The following NRG1 variants were observed in gnomAD, a reference collection of about 807,000 sequenced individuals.
NRG1 encodes the protein pro-neuregulin-1, membrane-bound isoform.
Under a neutral mutation model 63.8 loss-of-function variants are expected in NRG1, and 18 were observed. That is an observed-to-expected ratio of 0.28 (90% CI 0.19 to 0.42). The LOEUF (loss-of-function observed/expected upper bound fraction) is 0.42, where lower values mean the gene tolerates loss of function less well. Among genes scored for constraint, NRG1 ranks in the 10% least tolerant of loss-of-function variants. The pLI is 1.00. For missense variants in NRG1, 762 were observed against 814.7 expected, an observed-to-expected ratio of 0.94 and a Z score of 0.79; for synonymous variants, 302 against 301.3, an observed-to-expected ratio of 1.00 and a Z score of -0.02.
intron 1 of NRG1, among the ~76,000 whole-genome samples, chr8:32,116,221 T>A (rs1027097225): frequency 6.6e-6 from 1 of 152,136 alleles, no homozygotes; most frequent in African/African-American, 2.4e-5. Context: ...CTTCTTTTCC[T>A]CCTGTACGAC....
At chr8:32,374,644 C>A (rs190285128) in intron 1 of NRG1, among the ~76,000 whole-genome samples, 1 of 152,188 alleles carries the variant, frequency 6.6e-6, no homozygotes, top group African/African-American at 2.4e-5. Flanking sequence ...CCTCCAGGGC[C>A]TTCTTTACAC....
At chr8:32,697,089 G>A (rs1466817227) in intron 5 of NRG1, among the ~76,000 whole-genome samples, 1 of 152,228 alleles carries the variant, frequency 6.6e-6, no homozygotes, top group African/African-American at 2.4e-5. Flanking sequence ...CATCTGTAGA[G>A]CAGATTTCAT....
At chr8:32,633,317 G>T (rs1047819257) in intron 5 of NRG1, among the ~76,000 whole-genome samples, 4 of 152,066 alleles carry the variant, frequency 2.6e-5, no homozygotes, top group Non-Finnish European at 5.9e-5. Flanking sequence ...GTCTGCTTTT[G>T]TGGCTGTTTT....
chr8:31,712,255 C>CTTTTTTT lies in NRG1; in HGVS notation c.37+72848_37+72854dup, dbSNP rs57363109. On this transcript the variant is annotated intron_variant, in intron 1 of 10. Transcript: ENST00000519301. ...TGACTTCCTGTTTCTTCTTCATGAT[C>CTTTTTTT]TTTTTTTTTTTTTTTTTTTTTTTTT... Among the ~76,000 whole-genome samples, 257 of 72,328 alleles carry CTTTTTTT rather than the reference C, an allele frequency of 3.6e-3. 31 individuals are homozygous for CTTTTTTT. Among genetic ancestry groups the CTTTTTTT allele is most frequent in the Non-Finnish European group, 4.8e-3 (192 of 39,650 alleles). The allele number at this position is 72,328 out of a possible 152,430, so 47.4% of individuals were successfully genotyped here. A position where few individuals can be genotyped will look rare whatever the true frequency, so the allele number is the denominator to read the frequency against.
intron 1 of NRG1, among the ~76,000 whole-genome samples, chr8:32,457,160 T>C (rs1265506016): frequency 6.6e-6 from 1 of 152,008 alleles, no homozygotes; most frequent in Non-Finnish European, 1.5e-5. Flanking sequence ...AAATAAATTA[T>C]ATCTCCTCTT....
chr8:32,497,190 T>C (rs1677272284), intron 1 of NRG1, among the ~76,000 whole-genome samples: 1 of 152,170 alleles, frequency 6.6e-6, no homozygotes, highest in Admixed American at 6.5e-5. Context: ...CTCACGCCTG[T>C]AATCCCAGAA....
At chr8:32,705,779 G>A (rs1816244848) in intron 5 of NRG1, among the ~76,000 whole-genome samples, 1 of 152,140 alleles carries the variant, frequency 6.6e-6, no homozygotes, top group South Asian at 2.1e-4. Flanking sequence ...TGGAATAATA[G>A]AACTTCAAGG....
intron 1 of NRG1, among the ~76,000 whole-genome samples, chr8:32,211,182 T>A (rs532941856): frequency 6.6e-6 from 1 of 152,290 alleles, no homozygotes; most frequent in East Asian, 1.9e-4. Flanking sequence ...GGGAAAGATT[T>A]TGTTCTGTTT....
intron 1 of NRG1, among the ~76,000 whole-genome samples, chr8:31,962,952 G>T (rs1805710056): frequency 6.6e-6 from 1 of 152,210 alleles, no homozygotes; most frequent in African/African-American, 2.4e-5. Context: ...AGAGACATAA[G>T]TAGAAGTGGA....
At chr8:32,090,480 C>T (rs957345442) in intron 1 of NRG1, among the ~76,000 whole-genome samples, 1 of 152,008 alleles carries the variant, frequency 6.6e-6, no homozygotes, top group Admixed American at 6.6e-5. Context: ...GCCATCAGAC[C>T]CAGCTAATTT....
chr8:31,837,818 C>T (rs1212366524), intron 1 of NRG1, among the ~76,000 whole-genome samples: 1 of 152,014 alleles, frequency 6.6e-6, no homozygotes, highest in Non-Finnish European at 1.5e-5. Context: ...GGATTTTATC[C>T]TTTTTGTGGC....
At position 32,331,942 on chromosome 8, in the gene NRG1, G is replaced by A. The variant is rs185171066; in HGVS notation, c.38-263886G>A. Among the ~76,000 whole-genome samples, 20 of 152,098 alleles carry A rather than the reference G, an allele frequency of 1.3e-4. 1 individual carries two copies. The East Asian group carries it at 3.5e-3, about 27-fold the overall frequency. ...TGTCAAATGGAAGTAAAACATATAA[G>A]GCCAGAGAAGGATGAAGGGAAGTTT... On this transcript the variant is annotated intron_variant, in intron 1 of 10. Coordinates refer to the NRG1 transcript ENST00000519301.
chr8:31,987,320 ATGTGTG>A (rs545275263), intron 1 of NRG1, among the ~76,000 whole-genome samples: 1 of 125,802 alleles, frequency 7.9e-6, no homozygotes, highest in Non-Finnish European at 1.6e-5. Flanking sequence ...AAACATATAT[ATGTGTG>A]TGTGTGTGTG....
intron 5 of NRG1, among the ~76,000 whole-genome samples, chr8:32,620,182 G>A (rs535081848): frequency 6.6e-6 from 1 of 152,128 alleles, no homozygotes; most frequent in African/African-American, 2.4e-5. Context: ...CAGCTTCAAA[G>A]AATAGATTTC....
At chr8:32,045,141 A>G (rs1820803684) in intron 1 of NRG1, among the ~76,000 whole-genome samples, 1 of 151,862 alleles carries the variant, frequency 6.6e-6, no homozygotes, top group African/African-American at 2.4e-5. Context: ...CTGACACCAT[A>G]GCATTAAAAG....
chr8:31,760,484 C>A (rs1303817205), intron 1 of NRG1, among the ~76,000 whole-genome samples: 2 of 152,058 alleles, frequency 1.3e-5, no homozygotes, highest in Non-Finnish European at 2.9e-5. Flanking sequence ...TTCTGCACAG[C>A]AAAAGAAACT....
At chr8:31,882,317 C>A (rs1158931146) in intron 1 of NRG1, among the ~76,000 whole-genome samples, 3 of 121,040 alleles carry the variant, frequency 2.5e-5, no homozygotes, top group Admixed American at 2.0e-4. Flanking sequence ...TTGAGACTTA[C>A]TGCTCAAAAA....
chr8:31,667,434 G>T (rs1806668367), intron 1 of NRG1, among the ~76,000 whole-genome samples: 2 of 152,292 alleles, frequency 1.3e-5, no homozygotes, highest in Non-Finnish European at 2.9e-5. Flanking sequence ...CTCCTCAGTG[G>T]TTGCAGTCTG....
At chr8:32,426,543 G>C (rs1817396061) in intron 1 of NRG1, among the ~76,000 whole-genome samples, 1 of 152,140 alleles carries the variant, frequency 6.6e-6, no homozygotes, top group Non-Finnish European at 1.5e-5. Flanking sequence ...TATTTGTTAA[G>C]TAGTAGACAT....
Sources: allele counts gnomAD v4.1 joint callset (sites outside exome capture counted in the v4.1 genomes callset), GRCh38; gene constraint gnomAD v4.1.1; transcripts MANE v1.5; gene names NCBI Gene and HGNC (gene_info 2026-07-23, HGNC 2026-07-21).